PCNX2: variants seen among roughly 807,000 people sequenced by gnomAD.
The protein encoded by PCNX2 is pecanex-like protein 2.
Under a neutral mutation model 223.8 loss-of-function variants are expected in PCNX2, and 168 were observed. That is an observed-to-expected ratio of 0.75 (90% CI 0.66 to 0.85). PCNX2 has a LOEUF of 0.85. PCNX2 is among the 40% of genes least tolerant of loss of function. The pLI, the probability that PCNX2 is intolerant of heterozygous loss-of-function variation, is 0.00. For synonymous variants in PCNX2, 1,006 were observed against 1,052.6 expected, an observed-to-expected ratio of 0.96 and a Z score of 0.86; for missense variants, 2,507 against 2,675.5, an observed-to-expected ratio of 0.94 and a Z score of 1.39.
At position 233,253,700 on chromosome 1, in the gene PCNX2, C is replaced by T; in HGVS notation, c.1835-912G>A. On this transcript the variant is annotated intron_variant, in intron 5 of 33. Transcript: ENST00000258229. The surrounding 1 kb of genome is among the most constrained non-coding windows in gnomAD (Gnocchi z 4.2). The stretch of plus-strand genomic sequence containing the variant: ...GTGTAGGACACAGAGAGCTACAATA[C>T]CTATTCCTTGCCCTGAGAACATTTT... Among the ~76,000 whole-genome samples the T allele has an allele frequency of 6.6e-6, 1 of 152,156 alleles. No individual in the cohort carries two copies. Among genetic ancestry groups the T allele is most frequent in the East Asian group, 1.9e-4 (1 of 5,190 alleles).
intron 28 of PCNX2, among the ~76,000 whole-genome samples, chr1:233,008,353 C>T (rs955943999): frequency 2.6e-5 from 4 of 152,172 alleles, no homozygotes; most frequent in South Asian, 2.1e-4. Flanking sequence ...CACTGAGAAG[C>T]GGCATATGGA....
intron 12 of PCNX2, among the ~76,000 whole-genome samples, chr1:233,212,197 TG>T (rs1681860412): frequency 6.6e-6 from 1 of 152,178 alleles, no homozygotes; most frequent in African/African-American, 2.4e-5. Context: ...CAAGGACAGC[TG>T]GGGGCGGGCA....
At chr1:232,998,886 G>A (rs989899218) in intron 31 of PCNX2, among the ~76,000 whole-genome samples, 3 of 152,170 alleles carry the variant, frequency 2.0e-5, no homozygotes, top group Non-Finnish European at 4.4e-5. Flanking sequence ...CAAATGTGGG[G>A]GAAAGAGATT....
chr1:233,302,253 ACTT>A, the PCNX2 span, among the ~76,000 whole-genome samples: 3 of 152,124 alleles, frequency 2.0e-5, no homozygotes, highest in Admixed American at 6.5e-5. Flanking sequence ...TGATTTTTTT[ACTT>A]CTTTTATCTT....
chr1:233,266,048 A>T (rs1454419075), intron 1 of PCNX2, among the ~76,000 whole-genome samples: 2 of 152,220 alleles, frequency 1.3e-5, no homozygotes, highest in African/African-American at 2.4e-5. Context: ...CTCATCCTCT[A>T]TAAAGGACCA....
intron 25 of PCNX2, among the ~76,000 whole-genome samples, chr1:233,040,368 T>C (rs1028863760): frequency 1.3e-5 from 2 of 152,256 alleles, no homozygotes; most frequent in African/African-American, 4.8e-5. Context: ...CATGAGAGAA[T>C]GCTGCTTTAC....
At chr1:233,184,217 T>C (rs550109487) in intron 15 of PCNX2, among the ~76,000 whole-genome samples, 2 of 152,064 alleles carry the variant, frequency 1.3e-5, no homozygotes, top group Non-Finnish European at 2.9e-5. Flanking sequence ...CTAGAAATAA[T>C]TCTCATGACA....
intron 24 of PCNX2, among the ~76,000 whole-genome samples, chr1:233,055,399 C>T (rs1484802734): frequency 2.0e-5 from 3 of 152,242 alleles, no homozygotes; most frequent in African/African-American, 7.2e-5. Flanking sequence ...GAATACCTTG[C>T]TTCCCGGTGG....
intron 1 of PCNX2, among the ~76,000 whole-genome samples, chr1:233,264,114 A>C (rs1365419773): frequency 6.6e-6 from 1 of 152,146 alleles, no homozygotes; most frequent in East Asian, 1.9e-4. Flanking sequence ...TCAAGAAACA[A>C]AACGAAAAGA....
At chr1:233,289,217 G>A (rs548776215) in intron 1 of PCNX2, 1 of 872,788 alleles carries the variant, frequency 1.1e-6, no homozygotes, top group African/African-American at 1.6e-5. Context: ...ATACTAGCCG[G>A]ACTTGGATTT....
intron 7 of PCNX2, 67 bp downstream of exon 7, chr1:233,252,287 C>T (rs1659500805): frequency 1.3e-6 from 2 of 1,516,662 alleles, no homozygotes; most frequent in Non-Finnish European, 1.8e-6. Context: ...TAAGGTATCA[C>T]ACTGAGTCCT....
At chr1:233,233,526 C>T (rs957743779) in intron 9 of PCNX2, among the ~76,000 whole-genome samples, 1 of 151,380 alleles carries the variant, frequency 6.6e-6, no homozygotes, top group Non-Finnish European at 1.5e-5. Context: ...GCTCCCCTTT[C>T]AGGGACACTT....
In PCNX2 at chr1:232,999,264, T is replaced by C. The variant is rs1669984611; in HGVS notation, c.5444A>G (p.Asn1815Ser). The change falls in exon 31 of 34, where the codon AAC becomes AGC. Residue 1815 changes from asparagine to serine, a missense_variant. Physicochemically the swap from Asn to Ser is conservative, Grantham distance 46 (BLOSUM62 1). Transcript: ENST00000258229. ...CTGATCGCAGGAGGAGTTAATCAAG[T>C]TCCGCAGGACCTGCTTATTGTTCTG... ...SIQNNKQVLR[N>S]LINSSCDQPL... 6.2e-7 allele frequency: 1 copy of C among 1,613,348 alleles called. No individual in the cohort carries two copies. Among genetic ancestry groups the C allele is most frequent in the Non-Finnish European group, 8.5e-7 (1 of 1,179,626 alleles).
Position 233,290,850 on chromosome 1 carries a change from GC to G in PCNX2, c.153+4475del, listed in dbSNP as rs1661719460. On this transcript the variant is annotated intron_variant, in intron 1 of 33. Coordinates refer to ENST00000258229, the MANE Select transcript of PCNX2 (RefSeq NM_014801.4). ...GCTCCAGCCATAGAACGAAAGACAG[GC>G]TTTCTGTCCACAAGCGGGGAAAGGG... is the stretch of plus-strand genomic sequence containing the variant. 5 of 985,384 alleles carry G rather than the reference GC, an allele frequency of 5.1e-6. No individual in the cohort carries two copies. In the South Asian group the frequency reaches 1.9e-4, roughly 37 times the overall value. 61.0% of individuals were successfully genotyped at this position (985,384 alleles called of 1,614,324 possible).
At chr1:233,014,148 G>C (rs1362242945) in intron 28 of PCNX2, among the ~76,000 whole-genome samples, 2 of 152,204 alleles carry the variant, frequency 1.3e-5, no homozygotes, top group African/African-American at 4.8e-5. Context: ...AGACAGACGT[G>C]AGCTATTTAC....
intron 16 of PCNX2, among the ~76,000 whole-genome samples, chr1:233,178,220 T>C (rs998069281): frequency 7.9e-5 from 12 of 152,178 alleles, no homozygotes; most frequent in South Asian, 2.1e-4. Flanking sequence ...AAAGTGAACA[T>C]TGCACTAATA....
At chr1:233,059,753 C>G (rs6699439) in intron 23 of PCNX2, among the ~76,000 whole-genome samples, 16,971 of 152,204 alleles carry the variant, frequency 0.11, 1,273 homozygotes, top group African/African-American at 0.21. Flanking sequence ...AGAAACAAGA[C>G]TAGCTGCCAG....
chr1:233,023,256 A>G (rs765901449), intron 26 of PCNX2, among the ~76,000 whole-genome samples: 3 of 152,166 alleles, frequency 2.0e-5, no homozygotes, highest in Non-Finnish European at 2.9e-5. Flanking sequence ...GTTACCATTT[A>G]TCATCTGTTT....
chr1:233,258,416 G>A lies in PCNX2; in HGVS notation c.1446C>T (p.His482=). 1 of 1,613,954 alleles carries A rather than the reference G, an allele frequency of 6.2e-7. No homozygotes were observed. Among genetic ancestry groups the A allele is most frequent in the Non-Finnish European group, 8.5e-7 (1 of 1,179,880 alleles). ...CCCAGGGTTCCCGTGATGAAGAACTGTGATCCTTGATGGCATTTCCCCCCT... is the reference window on the plus strand; with the variant it reads ...CCCAGGGTTCCCGTGATGAAGAACTATGATCCTTGATGGCATTTCCCCCCT... ...SGEGGNAIKD[H]SSSSREPWES... is the part of the protein sequence containing the mutation. The change falls in exon 5 of 34, where the codon CAC becomes CAT. Residue 482 remains histidine (H), a synonymous_variant. Coordinates refer to ENST00000258229, the MANE Select transcript of PCNX2 (RefSeq NM_014801.4).
Sources: gnomAD v4.1 joint callset for allele counts (sites outside exome capture counted in the v4.1 genomes callset) on GRCh38, gnomAD v4.1.1 for gene constraint, Gnocchi (gnomAD v3.1) non-coding constraint, MANE v1.5 for transcripts, NCBI Gene and HGNC (gene_info 2026-07-23, HGNC 2026-07-21) for gene names.